The following SESTD1 variants were observed in gnomAD, a reference collection of about 807,000 sequenced individuals.
SESTD1 encodes SEC14 domain and spectrin repeat-containing protein 1.
Under a neutral mutation model 101.7 loss-of-function variants are expected in SESTD1, and 43 were observed. That is an observed-to-expected ratio of 0.42 (90% CI 0.33 to 0.55). The LOEUF (loss-of-function observed/expected upper bound fraction) is 0.55, where lower values mean the gene tolerates loss of function less well. SESTD1 is among the 20% of genes least tolerant of loss of function. The pLI, the probability that SESTD1 is intolerant of heterozygous loss-of-function variation, is 0.07. For synonymous variants in SESTD1, 283 were observed against 286.8 expected (o/e 0.99, Z 0.13); for missense variants, 647 against 815.1 (o/e 0.79, Z 2.51).
intron 1 of SESTD1, among the ~76,000 whole-genome samples, chr2:179,230,109 A>ATC (rs778841296): frequency 1.1e-5 from 1 of 94,192 alleles, no homozygotes; most frequent in African/African-American, 3.1e-5. Context: ...ACTGGATTGT[A>ATC]TCTCTTTTTT....
intron 5 of SESTD1, among the ~76,000 whole-genome samples, chr2:179,161,765 T>TG (rs1286473887): frequency 6.6e-6 from 1 of 152,208 alleles, no homozygotes; most frequent in Non-Finnish European, 1.5e-5. Flanking sequence ...AAAACCTAGC[T>TG]GGCTTGTTTT....
intron 1 of SESTD1, among the ~76,000 whole-genome samples, chr2:179,240,536 G>T (rs1363567724): frequency 6.6e-6 from 1 of 151,906 alleles, no homozygotes. Context: ...TGTAAAACCG[G>T]CAACCTGGAA....
At chr2:179,160,864 A>T (rs892569280) in intron 5 of SESTD1, among the ~76,000 whole-genome samples, 2 of 151,950 alleles carry the variant, frequency 1.3e-5, no homozygotes, top group Non-Finnish European at 2.9e-5. Context: ...TAATTTTTTT[A>T]AAAAAGGATT....
At chr2:179,174,485 G>A (rs1469911414) in intron 4 of SESTD1, 1 of 462,854 alleles carries the variant, frequency 2.2e-6, no homozygotes, top group Non-Finnish European at 4.4e-6. Flanking sequence ...ATGACAGGAT[G>A]AAAGGAAGAA....
intron 1 of SESTD1, among the ~76,000 whole-genome samples, chr2:179,219,984 A>G (rs1258039458): frequency 6.6e-6 from 1 of 152,196 alleles, no homozygotes; most frequent in African/African-American, 2.4e-5. Flanking sequence ...AGGAAAAGAA[A>G]GCCTCTGAGA....
chr2:179,124,635 G>A, intron 10 of SESTD1, 77 bp from the exon 11 acceptor site: 1 of 1,214,652 alleles, frequency 8.2e-7, no homozygotes, highest in Non-Finnish European at 1.1e-6. Flanking sequence ...AATTTCTCCA[G>A]ATAAACTAAG....
Position 179,112,959 on chromosome 2 carries a change from T to C in SESTD1, c.1840-114A>G, listed in dbSNP as rs2044544395. 5.1e-6 allele frequency: 7 copies of C among 1,361,474 alleles called. No individual in the cohort carries two copies. In the South Asian group the frequency reaches 9.5e-5, roughly 18 times the overall value. 84.3% of individuals were successfully genotyped at this position (1,361,474 alleles called of 1,614,324 possible). A position where few individuals can be genotyped will look rare whatever the true frequency, so the allele number is the denominator to read the frequency against. On this transcript the variant is annotated intron_variant, in intron 16 of 17. Coordinates refer to ENST00000428443, the MANE Select transcript of SESTD1 (RefSeq NM_178123.5). ...AGAAAAGAAAGACACAGAAATGGAA[T>C]CAAGCTCATACAAATTTGGTAGATT...
chr2:179,159,477 C>T (rs1043411381), intron 5 of SESTD1, among the ~76,000 whole-genome samples: 3 of 151,998 alleles, frequency 2.0e-5, no homozygotes, highest in Non-Finnish European at 2.9e-5. Flanking sequence ...ATTTGCAGGG[C>T]GGGATTTAGG....
At chr2:179,246,874 A>G (rs1002217137) in intron 1 of SESTD1, among the ~76,000 whole-genome samples, 2 of 152,246 alleles carry the variant, frequency 1.3e-5, no homozygotes, top group African/African-American at 4.8e-5. Context: ...GCAGAGTGAA[A>G]GTAGGTTAAT....
intron 1 of SESTD1, among the ~76,000 whole-genome samples, chr2:179,193,208 C>T (rs2046343402): frequency 6.6e-6 from 1 of 152,080 alleles, no homozygotes; most frequent in Non-Finnish European, 1.5e-5. Context: ...TTAAACAAGA[C>T]TAATTAAACC....
At chr2:179,156,032 C>A (rs1275837870) in intron 5 of SESTD1, among the ~76,000 whole-genome samples, 1 of 152,064 alleles carries the variant, frequency 6.6e-6, no homozygotes, top group African/African-American at 2.4e-5. Flanking sequence ...GAATAATAGT[C>A]TCCAATTTCA....
At chr2:179,222,261 C>G (rs1030549656) in intron 1 of SESTD1, among the ~76,000 whole-genome samples, 1 of 152,180 alleles carries the variant, frequency 6.6e-6, no homozygotes. Context: ...GCCTTGGAGC[C>G]AGGGTGTGAC....
At chr2:179,256,342 T>C (rs1023672687) in intron 1 of SESTD1, among the ~76,000 whole-genome samples, 4 of 152,074 alleles carry the variant, frequency 2.6e-5, no homozygotes, top group Non-Finnish European at 5.9e-5. Context: ...GAGGTCAAAA[T>C]ATACTGACAT....
chr2:179,172,737 G>C (rs567340028), intron 4 of SESTD1, among the ~76,000 whole-genome samples: 1 of 152,082 alleles, frequency 6.6e-6, no homozygotes, highest in Admixed American at 6.5e-5. Flanking sequence ...AATCTTTGAC[G>C]AATACAATTT....
intron 1 of SESTD1, among the ~76,000 whole-genome samples, chr2:179,200,166 T>A (rs2105507919): frequency 6.6e-6 from 1 of 152,028 alleles, no homozygotes; most frequent in African/African-American, 2.4e-5. Flanking sequence ...GAACTCCCAT[T>A]CACAATTGCT....
At chr2:179,133,280 G>A (rs1010496095) in intron 9 of SESTD1, among the ~76,000 whole-genome samples, 3 of 152,086 alleles carry the variant, frequency 2.0e-5, no homozygotes, top group Non-Finnish European at 2.9e-5. Flanking sequence ...CTAAACTCAA[G>A]GATCCCCACC....
intron 1 of SESTD1, among the ~76,000 whole-genome samples, chr2:179,245,554 T>C (rs912940217): frequency 5.0e-5 from 7 of 140,518 alleles, no homozygotes; most frequent in East Asian, 2.0e-4. Flanking sequence ...TAGCCAGATA[T>C]GGTGGCACAC....
intron 1 of SESTD1, among the ~76,000 whole-genome samples, chr2:179,263,545 T>C (rs1482566983): frequency 6.6e-6 from 1 of 152,132 alleles, no homozygotes; most frequent in African/African-American, 2.4e-5. Flanking sequence ...TGGGCATGCT[T>C]GACACAAGCA....
intron 1 of SESTD1, among the ~76,000 whole-genome samples, chr2:179,215,005 T>G (rs965854941): frequency 1.5e-5 from 2 of 133,784 alleles, no homozygotes; most frequent in Admixed American, 1.4e-4. Flanking sequence ...AGATGGAAAT[T>G]TATAGCACTA....
Sources: allele counts gnomAD v4.1 joint callset (sites outside exome capture counted in the v4.1 genomes callset), GRCh38; gene constraint gnomAD v4.1.1; transcripts MANE v1.5; gene names NCBI Gene and HGNC (gene_info 2026-07-23, HGNC 2026-07-21).